The following GRAMD1C variants were observed in gnomAD, a reference collection of about 807,000 sequenced individuals.
The protein encoded by GRAMD1C is protein Aster-C.
GRAMD1C carries 89 observed loss-of-function variants against 97.8 expected under a neutral mutation model. The ratio of observed to expected loss-of-function variants is 0.91; its 90% CI spans 0.77 to 1.09. The LOEUF is 1.09. GRAMD1C is among the 50% of genes least tolerant of loss of function. GRAMD1C has a pLI of 0.00. For missense variants in GRAMD1C, 740 were observed against 766.4 expected, an observed-to-expected ratio of 0.97 and a Z score of 0.41; for synonymous variants, 256 against 267.0, an observed-to-expected ratio of 0.96 and a Z score of 0.40.
chr3:113,850,868 C>T (rs1933870258), intron 2 of GRAMD1C: 1 of 292,116 alleles, frequency 3.4e-6, no homozygotes, highest in African/African-American at 3.2e-5. Flanking sequence ...GTGGTGTGAT[C>T]TTGGCTCACT....
chr3:113,908,897 TCA>T, intron 8 of GRAMD1C, 59 bp from the exon 9 acceptor site: 1 of 928,046 alleles, frequency 1.1e-6, no homozygotes, highest in Non-Finnish European at 1.6e-6. Flanking sequence ...ATTAAAGTTC[TCA>T]CTGCAAAATC....
chr3:113,830,265 C>T lies in GRAMD1C; in HGVS notation n.98+1986C>T, dbSNP rs147637247. Among the ~76,000 whole-genome samples, 73 of 152,234 alleles carry T rather than the reference C, an allele frequency of 4.8e-4. No homozygotes were observed. In the East Asian group the frequency reaches 0.013, roughly 28 times the overall value. On this transcript the variant is annotated intron_variant and non_coding_transcript_variant, in intron 1 of 18. Transcript: ENST00000479212. Reference sequence around the variant, plus strand: ...ATGTTGCCTGCCTCTTTACTGTACACGTGGTGACAAAGAAAAGAGAAGAGG... The same window carrying T: ...ATGTTGCCTGCCTCTTTACTGTACATGTGGTGACAAAGAAAAGAGAAGAGG...
Position 113,885,269 on chromosome 3 carries a change from C to A in GRAMD1C, c.540+2437C>A, listed in dbSNP as rs1366428548. 30 of 1,363,584 alleles carry A rather than the reference C, an allele frequency of 2.2e-5. No individual in the cohort carries two copies. In the East Asian group the frequency reaches 6.6e-4, roughly 30 times the overall value. 84.5% of individuals were successfully genotyped at this position (1,363,584 alleles called of 1,614,324 possible). On this transcript the variant is annotated intron_variant, in intron 6 of 17. Coordinates refer to ENST00000358160, the MANE Select transcript of GRAMD1C (RefSeq NM_017577.5). ...TGGCGGAGCTGGGCCGTGGGGGCCT[C>A]CGGGGCCGGCGGTGCCGGGGTCATC...
intron 5 of GRAMD1C, among the ~76,000 whole-genome samples, chr3:113,881,194 G>A (rs905436865): frequency 1.3e-5 from 2 of 151,990 alleles, no homozygotes; most frequent in South Asian, 2.1e-4. Flanking sequence ...TCACTCTGTC[G>A]CCCAGGCTGG....
intron 10 of GRAMD1C, chr3:113,919,754 G>T: frequency 1.7e-6 from 1 of 587,922 alleles, no homozygotes; most frequent in South Asian, 1.5e-5. Flanking sequence ...TATATAATTT[G>T]AATATAGTAA....
At chr3:113,925,149 C>T (rs1366085772) in intron 10 of GRAMD1C, among the ~76,000 whole-genome samples, 1 of 152,168 alleles carries the variant, frequency 6.6e-6, no homozygotes, top group Non-Finnish European at 1.5e-5. Context: ...CACCCCTTTA[C>T]ATTGAGCCTA....
At chr3:113,887,236 G>T (rs1184359572) in intron 6 of GRAMD1C, among the ~76,000 whole-genome samples, 1 of 151,176 alleles carries the variant, frequency 6.6e-6, no homozygotes, top group East Asian at 2.0e-4. Context: ...GACTACAGGC[G>T]CCTGCCACCA....
rs1294514652 is a variant in GRAMD1C, at chr3:113,947,067, G to A, written c.*1589G>A. 1 of 152,204 alleles carries A rather than the reference G, an allele frequency of 6.6e-6. No individual in the cohort carries two copies. Among genetic ancestry groups the A allele is most frequent in the Non-Finnish European group, 1.5e-5 (1 of 68,038 alleles). The allele number at this position is 152,204 out of a possible 1,614,324, so 9.4% of individuals were successfully genotyped here. ...ACATACTTCAAGGAAGAGTATCGAA[G>A]TAAGTTGCTTTATAAATTAAGACTA... On this transcript the variant is annotated 3_prime_UTR_variant, in exon 18 of 18. Coordinates refer to ENST00000358160, the MANE Select transcript of GRAMD1C (RefSeq NM_017577.5).
intron 2 of GRAMD1C, among the ~76,000 whole-genome samples, chr3:113,858,119 G>T (rs1307990386): frequency 1.3e-5 from 2 of 152,092 alleles, no homozygotes; most frequent in African/African-American, 2.4e-5. Flanking sequence ...TGGGCCTGGA[G>T]ATTTCTTCCT....
At chr3:113,879,376 T>G (rs2632253) in intron 5 of GRAMD1C, among the ~76,000 whole-genome samples, 96,376 of 151,732 alleles carry the variant, frequency 0.64, 31,165 homozygotes, top group East Asian at 0.75. Flanking sequence ...CCCTGCTCAG[T>G]CTCTGATACT....
At chr3:113,840,022 A>G (rs781481708) in intron 1 of GRAMD1C, among the ~76,000 whole-genome samples, 1 of 152,186 alleles carries the variant, frequency 6.6e-6, no homozygotes, top group African/African-American at 2.4e-5. Flanking sequence ...GTTGGAGTGC[A>G]GTGGCGCAAT....
intron 2 of GRAMD1C, among the ~76,000 whole-genome samples, chr3:113,857,208 C>T (rs759146896): frequency 6.6e-6 from 1 of 152,058 alleles, no homozygotes; most frequent in African/African-American, 2.4e-5. Flanking sequence ...CTCAGTTGCA[C>T]TGGCTGAAAC....
intron 2 of GRAMD1C, among the ~76,000 whole-genome samples, chr3:113,846,479 G>C (rs927877454): frequency 5.9e-5 from 9 of 152,122 alleles, no homozygotes; most frequent in Middle Eastern, 3.2e-3. Flanking sequence ...TATCTACAGG[G>C]CTAAGTAGTT....
At chr3:113,880,353 A>G (rs1935209685) in intron 5 of GRAMD1C, among the ~76,000 whole-genome samples, 1 of 152,090 alleles carries the variant, frequency 6.6e-6, no homozygotes, top group Admixed American at 6.5e-5. Flanking sequence ...ATATAAATGT[A>G]TAGTTTTGCT....
intron 2 of GRAMD1C, among the ~76,000 whole-genome samples, chr3:113,852,615 A>T (rs576552112): frequency 1.3e-5 from 2 of 150,020 alleles, no homozygotes; most frequent in South Asian, 2.1e-4. Context: ...CTAAGGGGTT[A>T]AAAAAAAAGA....
At chr3:113,836,415 C>A (rs985778006), upstream of GRAMD1C, among the ~76,000 whole-genome samples, 3 of 152,072 alleles carry the variant, frequency 2.0e-5, no homozygotes, top group Non-Finnish European at 4.4e-5. Flanking sequence ...TAGTAGTATA[C>A]CCTCCACTTA....
In GRAMD1C at chr3:113,838,794, A is replaced by T. The variant is rs1259609130; in HGVS notation, c.-116A>T. On this transcript the variant is annotated 5_prime_UTR_variant, in exon 1 of 18. Transcript: ENST00000358160. ...AGGAGCTGCGGCTGGAAGTACTCGG[A>T]GGGCCGGCGGAGGAGGCGCGCGGAG... The T allele has an allele frequency of 2.3e-5, 15 of 659,004 alleles. No homozygotes were observed. Among genetic ancestry groups the T allele is most frequent in the Non-Finnish European group, 3.0e-5 (14 of 469,154 alleles). 40.8% of individuals were successfully genotyped at this position (659,004 alleles called of 1,614,324 possible). A position where few individuals can be genotyped will look rare whatever the true frequency, so the allele number is the denominator to read the frequency against.
chr3:113,900,906 A>G, intron 6 of GRAMD1C, 125 bp from the exon 7 acceptor site: 1 of 530,414 alleles, frequency 1.9e-6, no homozygotes, highest in Non-Finnish European at 3.4e-6. Flanking sequence ...TCAAATAACT[A>G]CCAAAGCCCC....
At chr3:113,938,192 TTAAC>T (rs774026178) in intron 15 of GRAMD1C, 49 bp downstream of exon 15, 167 of 866,586 alleles carry the variant, frequency 1.9e-4, no homozygotes, top group Non-Finnish European at 2.8e-4. Context: ...GCATTTATCT[TTAAC>T]TAGTTTCCAA....
Sources: allele counts gnomAD v4.1 joint callset (sites outside exome capture counted in the v4.1 genomes callset), GRCh38; gene constraint gnomAD v4.1.1; transcripts MANE v1.5; gene names NCBI Gene and HGNC (gene_info 2026-07-23, HGNC 2026-07-21).